Variants in AGO3 observed in about 807,000 individuals in gnomAD.
AGO3 encodes protein argonaute-3.
A neutral mutation model predicts 105.5 loss-of-function variants in AGO3; 16 were observed. The observed-to-expected ratio is 0.15, with a 90% CI of 0.10 to 0.23. The LOEUF (loss-of-function observed/expected upper bound fraction) is 0.23. Ranked by LOEUF, AGO3 falls within the 10% of genes least tolerant of loss-of-function variation. The pLI is 1.00. For synonymous variants in AGO3, 340 were observed against 367.3 expected, an observed-to-expected ratio of 0.93 and a Z score of 0.85; for missense variants, 534 against 1,088.0, an observed-to-expected ratio of 0.49 and a Z score of 7.16.
At chr1:36,021,565 C>G (rs566053298) in intron 11 of AGO3, among the ~76,000 whole-genome samples, 45 of 152,168 alleles carry the variant, frequency 3.0e-4, no homozygotes, top group Non-Finnish European at 6.5e-4. Context: ...TAAAATAAGC[C>G]TGTTTATTAT....
chr1:36,003,540 C>T (rs554342406), intron 5 of AGO3, among the ~76,000 whole-genome samples: 2 of 151,064 alleles, frequency 1.3e-5, no homozygotes, highest in South Asian at 4.2e-4. Flanking sequence ...ACTAGAAGTG[C>T]TATATTGGTC....
In AGO3 at chr1:35,966,940, G is replaced by T. The variant is rs919383797; in HGVS notation, c.192-15G>T. On this transcript the variant is annotated splice_polypyrimidine_tract_variant and intron_variant, in intron 2 of 18. Transcript: ENST00000373191. ...TTACAGAGGATTATGTGAATATATT[G>T]TTTCCCTTCTTTAGGGAGGTGGTTG... 1.3e-6 allele frequency: 2 copies of T among 1,598,496 alleles called. No homozygotes were observed. Among genetic ancestry groups the T allele is most frequent in the Non-Finnish European group, 1.7e-6 (2 of 1,175,066 alleles).
chr1:36,038,142 GT>G (rs1642090736), intron 14 of AGO3, among the ~76,000 whole-genome samples: 1 of 151,648 alleles, frequency 6.6e-6, no homozygotes, highest in South Asian at 2.1e-4. Flanking sequence ...AACCTGGTGT[GT>G]TTTGGGAATG....
chr1:35,979,676 A>G (rs1647016948), intron 5 of AGO3, among the ~76,000 whole-genome samples: 1 of 152,138 alleles, frequency 6.6e-6, no homozygotes, highest in Non-Finnish European at 1.5e-5. Context: ...TATTAGGAGC[A>G]TATATATTCA....
chr1:36,003,709 A>AAAAAAAAAAAATATATAT (rs1295618675), intron 5 of AGO3, among the ~76,000 whole-genome samples: 9 of 99,432 alleles, frequency 9.1e-5, no homozygotes, highest in Non-Finnish European at 1.7e-4. Flanking sequence ...AAAAAAAAAA[A>AAAAAAAAAAAATATATAT]ATATATATAT....
intron 5 of AGO3, chr1:35,982,922 G>A (rs1647080186): frequency 2.9e-6 from 1 of 347,418 alleles, no homozygotes; most frequent in Admixed American, 4.6e-5. Context: ...TCAAGGTTCA[G>A]AACCTAGAGA....
At chr1:35,995,776 C>G (rs1163854308) in intron 5 of AGO3, among the ~76,000 whole-genome samples, 2 of 152,116 alleles carry the variant, frequency 1.3e-5, no homozygotes, top group Non-Finnish European at 2.9e-5. Flanking sequence ...CTCCCGAGTC[C>G]AAGTGATTCC....
intron 5 of AGO3, among the ~76,000 whole-genome samples, chr1:35,975,897 G>A (rs1277681600): frequency 1.3e-5 from 2 of 151,180 alleles, no homozygotes; most frequent in Non-Finnish European, 2.9e-5. Flanking sequence ...AGATCTTAAA[G>A]CTTCACATAA....
At position 35,936,772 on chromosome 1, in the gene AGO3, A is replaced by G. The variant is rs192362389; in HGVS notation, c.19+5327A>G. ...TTTTTTGTAGAGACGGGATCTTACT[A>G]TGTTGCACAGGCTGGTCTTGAATTC... On this transcript the variant is annotated intron_variant, in intron 1 of 18. Transcript: ENST00000373191. Among the ~76,000 whole-genome samples, 15 of 152,320 alleles carry G rather than the reference A, an allele frequency of 9.8e-5. No homozygotes were observed. The East Asian group carries it at 2.1e-3, about 22-fold the overall frequency.
chr1:36,011,519 A>G (rs151106107), intron 9 of AGO3, among the ~76,000 whole-genome samples: 3 of 152,316 alleles, frequency 2.0e-5, no homozygotes, highest in East Asian at 3.9e-4. Flanking sequence ...TACTTTGTCT[A>G]TAAAAGTCTC....
chr1:35,991,247 A>G (rs575433990), intron 5 of AGO3, among the ~76,000 whole-genome samples: 3 of 152,108 alleles, frequency 2.0e-5, no homozygotes, highest in African/African-American at 4.8e-5. Flanking sequence ...GTGAGCCAAG[A>G]TCGCGCCACT....
intron 5 of AGO3, among the ~76,000 whole-genome samples, chr1:35,995,906 T>G (rs908872246): frequency 2.0e-5 from 3 of 151,978 alleles, no homozygotes; most frequent in Admixed American, 6.6e-5. Flanking sequence ...TCGAACTCCC[T>G]GACCTCAAGT....
chr1:36,047,011 G>A (rs780704515), intron 17 of AGO3, among the ~76,000 whole-genome samples: 5 of 152,156 alleles, frequency 3.3e-5, no homozygotes, highest in Non-Finnish European at 7.4e-5. Context: ...TTGGGAGGCC[G>A]AGGCAGGCAG....
chr1:36,036,428 T>C (rs1029371514), intron 14 of AGO3, among the ~76,000 whole-genome samples, 161 bp downstream of exon 14: 2 of 152,242 alleles, frequency 1.3e-5, no homozygotes, highest in Admixed American at 1.3e-4. Context: ...AGTTTGGAAG[T>C]TCCATATGTA....
intron 4 of AGO3, 28 bp downstream of exon 4, chr1:35,972,260 A>G (rs1168670330): frequency 6.2e-7 from 1 of 1,606,990 alleles, no homozygotes; most frequent in East Asian, 2.2e-5. Context: ...TTTTCTCTTT[A>G]GATTTTAAAC....
At chr1:35,932,802 A>G (rs1411020612) in intron 1 of AGO3, among the ~76,000 whole-genome samples, 1 of 152,234 alleles carries the variant, frequency 6.6e-6, no homozygotes, top group Non-Finnish European at 1.5e-5. Context: ...ATTTGGGACC[A>G]TAGGTGATCT....
At position 35,974,558 on chromosome 1, in the gene AGO3, A is replaced by G. The variant is rs1425726579; in HGVS notation, c.658+1047A>G. 2.0e-5 allele frequency among the ~76,000 whole-genome samples: 3 copies of G among 152,280 alleles called. No homozygotes were observed. In the East Asian group the frequency reaches 5.8e-4, roughly 29 times the overall value. ...ATGCTTAAGTGCTTTATGTCGTGTC[A>G]TATTAGGAAACACAGTATCTAGTGG... On this transcript the variant is annotated intron_variant, in intron 5 of 18. Transcript: ENST00000373191.
chr1:36,021,460 A>G (rs1427126992), intron 11 of AGO3, among the ~76,000 whole-genome samples: 1 of 152,078 alleles, frequency 6.6e-6, no homozygotes, highest in Non-Finnish European at 1.5e-5. Context: ...ATCTTATACA[A>G]TTTTGGAATA....
intron 5 of AGO3, among the ~76,000 whole-genome samples, chr1:35,987,397 G>A (rs952697388): frequency 9.2e-5 from 14 of 151,546 alleles, no homozygotes; most frequent in Non-Finnish European, 2.9e-5. Flanking sequence ...GGAGGCTGAG[G>A]CAGGAGAATT....
Sources: gnomAD v4.1 joint callset for allele counts (sites outside exome capture counted in the v4.1 genomes callset) on GRCh38, gnomAD v4.1.1 for gene constraint, MANE v1.5 for transcripts, NCBI Gene and HGNC (gene_info 2026-07-23, HGNC 2026-07-21) for gene names.